Variants in TBC1D19 observed in about 807,000 individuals in gnomAD.
TBC1D19 encodes the protein TBC1 domain family member 19.
In TBC1D19, 60 loss-of-function variants were observed where a neutral mutation model predicts 89.0. The ratio of observed to expected loss-of-function variants is 0.67; its 90% CI spans 0.55 to 0.84. The LOEUF (loss-of-function observed/expected upper bound fraction) is 0.84. Ranked by LOEUF, TBC1D19 falls within the 40% of genes least tolerant of loss-of-function variation. TBC1D19 has a pLI of 0.00. For missense variants in TBC1D19, 500 were observed against 610.8 expected (o/e 0.82, Z 1.91); for synonymous variants, 189 against 199.7 (o/e 0.95, Z 0.45).
the TBC1D19 span, among the ~76,000 whole-genome samples, chr4:26,771,709 A>C: frequency 6.6e-6 from 1 of 152,182 alleles, no homozygotes; most frequent in African/African-American, 2.4e-5. Flanking sequence ...GTTATGCAAG[A>C]TAAATAAGTT....
intron 16 of TBC1D19, among the ~76,000 whole-genome samples, chr4:26,737,923 C>G (rs186687094): frequency 7.6e-4 from 115 of 151,842 alleles, no homozygotes; most frequent in African/African-American, 2.6e-3. Context: ...TTTAAAATAC[C>G]TTCTGCTCTT....
upstream of TBC1D19, chr4:26,583,906 C>A (rs1304634897): frequency 2.4e-6 from 1 of 412,288 alleles, no homozygotes; most frequent in East Asian, 4.9e-5. Context: ...AAAGAATGAG[C>A]TTTCTTGCCT....
chr4:26,738,980 T>C (rs1560506263), intron 16 of TBC1D19, among the ~76,000 whole-genome samples: 1 of 152,150 alleles, frequency 6.6e-6, no homozygotes, highest in Admixed American at 6.6e-5. Context: ...CCAATACATA[T>C]TGTTTGAAAT....
intron 9 of TBC1D19, among the ~76,000 whole-genome samples, chr4:26,669,239 A>G (rs1712073317): frequency 6.6e-6 from 1 of 151,848 alleles, no homozygotes; most frequent in Admixed American, 6.6e-5. Context: ...GAAGTGTTAT[A>G]CTCAGGAGCA....
the TBC1D19 span, among the ~76,000 whole-genome samples, chr4:26,795,165 G>C: frequency 6.6e-6 from 1 of 152,108 alleles, no homozygotes; most frequent in Non-Finnish European, 1.5e-5. Flanking sequence ...CAGCCACACT[G>C]GACTTCTTGC....
At chr4:26,627,340 C>A (rs886133288) in intron 4 of TBC1D19, among the ~76,000 whole-genome samples, 1 of 152,142 alleles carries the variant, frequency 6.6e-6, no homozygotes, top group African/African-American at 2.4e-5. Flanking sequence ...AATAGTGGCG[C>A]AATAAACATA....
chr4:26,643,977 C>T (rs1212555310), intron 7 of TBC1D19, among the ~76,000 whole-genome samples: 1 of 152,110 alleles, frequency 6.6e-6, no homozygotes, highest in African/African-American at 2.4e-5. Flanking sequence ...GGATTCACAG[C>T]CGAATTCTAC....
chr4:26,777,931 G>T, the TBC1D19 span, among the ~76,000 whole-genome samples: 2 of 151,990 alleles, frequency 1.3e-5, no homozygotes, highest in Non-Finnish European at 2.9e-5. Context: ...AAATTAACAG[G>T]GCGTGGCGGT....
Position 26,735,507 on chromosome 4 carries a change from C to A in TBC1D19, c.1117+20C>A. 1 of 1,544,244 alleles carries A rather than the reference C, an allele frequency of 6.5e-7. No individual in the cohort carries two copies. Among genetic ancestry groups the A allele is most frequent in the Non-Finnish European group, 8.8e-7 (1 of 1,137,658 alleles). Reference sequence around the variant, plus strand: ...TGTATGGTAAGTTGGGCTTTAAAAACATCATAATGTACACAAAACATACAA... The same window carrying A: ...TGTATGGTAAGTTGGGCTTTAAAAAAATCATAATGTACACAAAACATACAA... On this transcript the variant is annotated intron_variant, in intron 16 of 20. Transcript: ENST00000264866.
chr4:26,637,641 G>A (rs1400516548), intron 5 of TBC1D19, among the ~76,000 whole-genome samples: 3 of 151,986 alleles, frequency 2.0e-5, no homozygotes, highest in African/African-American at 7.3e-5. Context: ...CAAAGTGCTG[G>A]GATTACAGAT....
At chr4:26,621,393 G>A (rs1742038080) in intron 4 of TBC1D19, among the ~76,000 whole-genome samples, 1 of 152,224 alleles carries the variant, frequency 6.6e-6, no homozygotes, top group Middle Eastern at 3.4e-3. Context: ...GCTGAGGCAC[G>A]TAATGAGCAC....
chr4:26,752,472 C>T (rs1012053997), intron 19 of TBC1D19, among the ~76,000 whole-genome samples: 2 of 152,068 alleles, frequency 1.3e-5, no homozygotes, highest in Admixed American at 6.6e-5. Flanking sequence ...TCTTCAACTC[C>T]TGGGCTCACA....
At chr4:26,604,841 G>T (rs1740875940) in intron 1 of TBC1D19, among the ~76,000 whole-genome samples, 2 of 151,720 alleles carry the variant, frequency 1.3e-5, no homozygotes, top group Non-Finnish European at 2.9e-5. Flanking sequence ...AGATCATCGC[G>T]CCACTGCACT....
intron 1 of TBC1D19, among the ~76,000 whole-genome samples, chr4:26,599,757 G>A (rs948594948): frequency 1.3e-5 from 2 of 151,890 alleles, no homozygotes; most frequent in African/African-American, 4.8e-5. Context: ...ACCAGCCTGG[G>A]CAACACAGTG....
At chr4:26,580,456 T>A (rs937148188), upstream of TBC1D19, among the ~76,000 whole-genome samples, 2 of 152,146 alleles carry the variant, frequency 1.3e-5, no homozygotes, top group Non-Finnish European at 2.9e-5. Flanking sequence ...TGAGGACTCC[T>A]GGAATGTGAA....
intron 13 of TBC1D19, among the ~76,000 whole-genome samples, chr4:26,695,069 A>G (rs955894999): frequency 1.3e-5 from 2 of 152,146 alleles, no homozygotes; most frequent in Admixed American, 6.5e-5. Flanking sequence ...TTGAGAGAAG[A>G]AGGCTTCAGA....
At chr4:26,626,820 TTTTTTTATTTTTATTTTTATTTATTTTA>T (rs1353138187) in intron 4 of TBC1D19, among the ~76,000 whole-genome samples, 8 of 149,696 alleles carry the variant, frequency 5.3e-5, no homozygotes, top group Non-Finnish European at 1.0e-4. Flanking sequence ...CTCAAATTCT[TTTTTTTATTTTTATTTTTATTTATTTTA>T]TTTTTTATTT....
At chr4:26,856,383 G>A in the TBC1D19 span, among the ~76,000 whole-genome samples, 1 of 152,092 alleles carries the variant, frequency 6.6e-6, no homozygotes, top group Non-Finnish European at 1.5e-5. Context: ...TCTGTTGATG[G>A]ACATTTAGTT....
rs184822342 is a variant in TBC1D19 at position 26,639,163 on chromosome 4, C to T, written c.433+329C>T. ...TCCTGGGCTCAGAGGGTCCTTTCAC[C>T]TCAGCCTCCTGAGTAGCTAAGACTA... On this transcript the variant is annotated intron_variant, in intron 6 of 20. Coordinates refer to ENST00000264866, the MANE Select transcript of TBC1D19 (RefSeq NM_018317.4). 1.3e-5 allele frequency among the ~76,000 whole-genome samples: 2 copies of T among 152,158 alleles called. 1 individual carries two copies. Among genetic ancestry groups the T allele is most frequent in the South Asian group, 4.1e-4 (2 of 4,828 alleles).
Sources: gnomAD v4.1 joint callset for allele counts (sites outside exome capture counted in the v4.1 genomes callset) on GRCh38, gnomAD v4.1.1 for gene constraint, MANE v1.5 for transcripts, NCBI Gene and HGNC (gene_info 2026-07-23, HGNC 2026-07-21) for gene names.